Variants in NOL4 observed in about 807,000 individuals in gnomAD.
NOL4 encodes nucleolar protein 4, also known as cancer/testis antigen 125.
NOL4 carries 17 observed loss-of-function variants against 75.9 expected under a neutral mutation model. The ratio of observed to expected loss-of-function variants is 0.22; its 90% CI spans 0.15 to 0.34. The LOEUF (loss-of-function observed/expected upper bound fraction) is 0.34. NOL4 is among the 10% of genes least tolerant of loss of function. The pLI is 1.00. For missense variants in NOL4, 614 were observed against 793.5 expected, an observed-to-expected ratio of 0.77 and a Z score of 2.72; for synonymous variants, 292 against 289.9, an observed-to-expected ratio of 1.01 and a Z score of -0.07.
chr18:34,079,305 G>A (rs2077890025), intron 5 of NOL4, among the ~76,000 whole-genome samples: 1 of 152,068 alleles, frequency 6.6e-6, no homozygotes. Context: ...CCATGAACTT[G>A]TCAAGGCTTC....
In NOL4 at chr18:34,059,821, A is replaced by T. The variant is rs11873627; in HGVS notation, c.772+33644T>A. 2.1e-3 allele frequency among the ~76,000 whole-genome samples: 322 copies of T among 152,316 alleles called. 5 individuals carry two copies. The highest frequency in any genetic ancestry group is 7.2e-3 in the African/African-American group (300 of 41,586). On this transcript the variant is annotated intron_variant, in intron 5 of 10. Transcript: ENST00000261592. ...ACTATCTGCTGGAGAAACCATGTGC[A>T]GAGACCATGTAGGGAGAGGTCGCAT...
chr18:34,023,788 T>A (rs1009280180), intron 5 of NOL4: 1 of 236,582 alleles, frequency 4.2e-6, no homozygotes, highest in African/African-American at 2.2e-5. Context: ...TGGAGAATTA[T>A]TGTGCTATCT....
intron 9 of NOL4, among the ~76,000 whole-genome samples, chr18:33,911,304 T>C (rs2066386948): frequency 6.6e-6 from 1 of 152,120 alleles, no homozygotes; most frequent in Non-Finnish European, 1.5e-5. Context: ...TTCTGAGAAA[T>C]GTTCTCTCTC....
At chr18:33,971,903 T>C (rs181806905) in intron 6 of NOL4, among the ~76,000 whole-genome samples, 9 of 152,288 alleles carry the variant, frequency 5.9e-5, no homozygotes, top group African/African-American at 1.9e-4. Flanking sequence ...CAGTGGCTCA[T>C]ACCTGTAATC....
At chr18:34,211,269 T>C (rs1321101810) in intron 1 of NOL4, among the ~76,000 whole-genome samples, 15 of 152,252 alleles carry the variant, frequency 9.9e-5, no homozygotes, top group Admixed American at 9.2e-4. Flanking sequence ...TTGATTGTGA[T>C]GGTAGCTTTT....
chr18:33,956,028 C>T (rs879846336), intron 8 of NOL4, among the ~76,000 whole-genome samples: 6 of 152,096 alleles, frequency 3.9e-5, no homozygotes, highest in Admixed American at 3.3e-4. Flanking sequence ...GAAAGAGTCT[C>T]ATAATGCAAA....
At chr18:34,132,579 A>G (rs1165504241) in intron 1 of NOL4, among the ~76,000 whole-genome samples, 1 of 152,210 alleles carries the variant, frequency 6.6e-6, no homozygotes, top group Non-Finnish European at 1.5e-5. Context: ...CCTGTACTCT[A>G]TAAGTAAAAA....
At chr18:33,865,409 C>A (rs568553562) in intron 10 of NOL4, among the ~76,000 whole-genome samples, 3 of 151,886 alleles carry the variant, frequency 2.0e-5, no homozygotes, top group African/African-American at 7.3e-5. Context: ...TTGTTACTTT[C>A]GATTTTTTTC....
rs1372342083 is a variant in NOL4 at position 34,166,707 on chromosome 18, A to G, written c.265-36687T>C. Among the ~76,000 whole-genome samples, 7 of 152,188 alleles carry G rather than the reference A, an allele frequency of 4.6e-5. No individual in the cohort carries two copies. The East Asian group carries it at 1.4e-3, about 29-fold the overall frequency. ...TCTGCATCTGCCAATTCAACCAACCATGGATGAATAATATTTGGGAAAAAA... is the reference window on the plus strand; with the variant it reads ...TCTGCATCTGCCAATTCAACCAACCGTGGATGAATAATATTTGGGAAAAAA... On this transcript the variant is annotated intron_variant, in intron 1 of 10. Coordinates refer to ENST00000261592, the MANE Select transcript of NOL4 (RefSeq NM_003787.5).
At chr18:33,909,777 C>G (rs2066281132) in intron 9 of NOL4, among the ~76,000 whole-genome samples, 1 of 151,944 alleles carries the variant, frequency 6.6e-6, no homozygotes, top group African/African-American at 2.4e-5. Context: ...GATCCCTGCC[C>G]TCATGGGATT....
intron 6 of NOL4, among the ~76,000 whole-genome samples, chr18:34,003,683 C>T (rs1467414340): frequency 6.6e-6 from 1 of 152,040 alleles, no homozygotes; most frequent in African/African-American, 2.4e-5. Flanking sequence ...CCCTAGTGCC[C>T]ATCATTCTCA....
intron 2 of NOL4, among the ~76,000 whole-genome samples, chr18:34,110,553 T>C (rs1033624699): frequency 1.3e-5 from 2 of 152,206 alleles, no homozygotes; most frequent in Non-Finnish European, 2.9e-5. Context: ...AAAAGCCATA[T>C]GTAACAAGCC....
intron 1 of NOL4, among the ~76,000 whole-genome samples, chr18:34,133,680 T>C (rs1205168939): frequency 6.6e-6 from 1 of 151,680 alleles, no homozygotes; most frequent in African/African-American, 2.4e-5. Flanking sequence ...AAATGATACC[T>C]TATGGTGATG....
intron 9 of NOL4, among the ~76,000 whole-genome samples, chr18:33,929,197 C>G (rs925767067): frequency 1.3e-5 from 2 of 152,164 alleles, no homozygotes; most frequent in African/African-American, 4.8e-5. Context: ...TAGAAGACCC[C>G]TGCACCTCTA....
At chr18:33,989,942 T>C (rs980552319) in intron 6 of NOL4, among the ~76,000 whole-genome samples, 2 of 152,112 alleles carry the variant, frequency 1.3e-5, no homozygotes, top group Non-Finnish European at 2.9e-5. Context: ...GAGTTGATTA[T>C]TTTGTTTACC....
chr18:34,058,435 C>T (rs1182251017), intron 5 of NOL4, among the ~76,000 whole-genome samples: 1 of 152,074 alleles, frequency 6.6e-6, no homozygotes, highest in African/African-American at 2.4e-5. Flanking sequence ...CGCCCGGCCT[C>T]CTTATTTCTA....
At chr18:33,915,603 C>T (rs1599855273) in intron 9 of NOL4, among the ~76,000 whole-genome samples, 1 of 151,782 alleles carries the variant, frequency 6.6e-6, no homozygotes, top group East Asian at 2.0e-4. Context: ...AAATGCTCAT[C>T]CTAAATAAGA....
At chr18:34,112,293 C>T (rs987233386) in intron 2 of NOL4, among the ~76,000 whole-genome samples, 5 of 151,828 alleles carry the variant, frequency 3.3e-5, no homozygotes, top group African/African-American at 4.8e-5. Flanking sequence ...CACTTGAACC[C>T]GGGAGGCAGA....
intron 5 of NOL4, among the ~76,000 whole-genome samples, chr18:34,036,683 G>GGATTACACCCACTT (rs1568253861): frequency 6.6e-6 from 1 of 152,178 alleles, no homozygotes; most frequent in Non-Finnish European, 1.5e-5. Flanking sequence ...CAGCACTTTG[G>GGATTACACCCACTT]GAGGCTGAGG....
Sources: allele counts gnomAD v4.1 joint callset (sites outside exome capture counted in the v4.1 genomes callset), GRCh38; gene constraint gnomAD v4.1.1; transcripts MANE v1.5; gene names NCBI Gene and HGNC (gene_info 2026-07-23, HGNC 2026-07-21).